Variants in OR51E1 observed in about 807,000 individuals in gnomAD.
OR51E1 encodes the protein olfactory receptor family 51 subfamily E member 1.
In OR51E1, 9 loss-of-function variants were observed where a neutral mutation model predicts 11.5. The ratio of observed to expected loss-of-function variants is 0.78; its 90% CI spans 0.47 to 1.37. The LOEUF (loss-of-function observed/expected upper bound fraction) is 1.37, where lower values mean the gene tolerates loss of function less well. Among genes scored for constraint, OR51E1 ranks in the 40% most tolerant of loss-of-function variants. OR51E1 has a pLI of 0.00. For missense variants in OR51E1, 397 were observed against 410.2 expected (o/e 0.97, Z 0.28); for synonymous variants, 168 against 158.3 (o/e 1.06, Z -0.46).
chr11:4,648,858 T>A (rs879415461), intron 1 of OR51E1, among the ~76,000 whole-genome samples: 21 of 152,220 alleles, frequency 1.4e-4, no homozygotes, highest in Non-Finnish European at 2.5e-4. Context: ...CTGTTTTTTT[T>A]AATACATATT....
At position 4,652,565 on chromosome 11, in the gene OR51E1, A is replaced by G. The variant is rs779959576; in HGVS notation, c.39A>G (p.Thr13=). ...VDPNGNESSA[T]YFILIGLPGL... The stretch of plus-strand genomic sequence containing the variant: ...CCAATGGCAATGAATCCAGTGCTAC[A>G]TACTTCATCCTAATAGGCCTCCCTG... The change falls in exon 2 of 2, where the codon ACA becomes ACG. Residue 13 remains threonine (T), a synonymous_variant. Coordinates refer to ENST00000396952, the MANE Select transcript of OR51E1 (RefSeq NM_152430.4). The G allele has an allele frequency of 3.1e-6, 5 of 1,613,932 alleles. No homozygotes were observed. Among genetic ancestry groups the G allele is most frequent in the African/African-American group, 2.7e-5 (2 of 74,908 alleles).
At chr11:4,645,059 C>CAG (rs1847012081) in intron 1 of OR51E1, among the ~76,000 whole-genome samples, 1 of 151,806 alleles carries the variant, frequency 6.6e-6, no homozygotes, top group Admixed American at 6.6e-5. Context: ...TTAAGAGAGG[C>CAG]TTTTTCTGAC....
chr11:4,649,959 C>G (rs373634299), intron 1 of OR51E1, among the ~76,000 whole-genome samples: 3 of 152,202 alleles, frequency 2.0e-5, no homozygotes, highest in Admixed American at 2.0e-4. Flanking sequence ...TCATACAGCT[C>G]TAGAGGTTTT....
At chr11:4,647,573 A>G (rs767825698) in intron 1 of OR51E1, among the ~76,000 whole-genome samples, 7 of 151,924 alleles carry the variant, frequency 4.6e-5, no homozygotes, top group Non-Finnish European at 1.0e-4. Context: ...GAAGAATGTG[A>G]GGATGGGCTG....
intron 1 of OR51E1, 88 bp downstream of exon 1, chr11:4,644,118 G>C (rs1466916308): frequency 6.5e-6 from 1 of 152,988 alleles, no homozygotes; most frequent in African/African-American, 2.4e-5. Context: ...TGCATGAGAA[G>C]CCAGGCTGTG....
In OR51E1 at chr11:4,653,503, T is replaced by G. The variant is rs1847132181; in HGVS notation, c.*20T>G. 3 of 1,445,062 alleles carry G rather than the reference T, an allele frequency of 2.1e-6. No homozygotes were observed. Among genetic ancestry groups the G allele is most frequent in the Non-Finnish European group, 2.9e-6 (3 of 1,042,556 alleles). 89.5% of individuals were successfully genotyped at this position (1,445,062 alleles called of 1,614,324 possible). A position where few individuals can be genotyped will look rare whatever the true frequency, so the allele number is the denominator to read the frequency against. ...CCCTAGGTGTCAGTGATCAAACTTC[T>G]TTTCCATTCAGAGTCCTCTGATTCA... is the stretch of plus-strand genomic sequence containing the variant. On this transcript the variant is annotated 3_prime_UTR_variant, in exon 2 of 2. Transcript: ENST00000396952.
chr11:4,651,032 A>C (rs1847090261), intron 1 of OR51E1, among the ~76,000 whole-genome samples: 1 of 141,746 alleles, frequency 7.1e-6, no homozygotes, highest in Non-Finnish European at 1.6e-5. Context: ...ATATTTGTCG[A>C]TGGAGGAAAG....
Position 4,653,648 on chromosome 11 carries a change from T to G in OR51E1, c.*165T>G, listed in dbSNP as rs1847134581. The G allele has an allele frequency of 7.1e-6, 4 of 562,564 alleles. No individual in the cohort carries two copies. The highest frequency in any genetic ancestry group is 6.4e-6 in the Non-Finnish European group (2 of 312,346). 34.8% of individuals were successfully genotyped at this position (562,564 alleles called of 1,614,324 possible). On this transcript the variant is annotated 3_prime_UTR_variant, in exon 2 of 2. Coordinates refer to ENST00000396952, the MANE Select transcript of OR51E1 (RefSeq NM_152430.4). ...GGAATCTCCATTTTTTCAATATTAT[T>G]TTCTTCTTTGTTTTCTTGCTACATA...
At position 4,644,245 on chromosome 11, in the gene OR51E1, G is replaced by A. The variant is rs552810583; in HGVS notation, c.-40+215G>A. On this transcript the variant is annotated intron_variant, in intron 1 of 1. Transcript: ENST00000396952. Reference sequence around the variant, plus strand: ...ATGTGGGTGCTGGAGGTAGCCTAAGGGTAGTTTTCAAGCAGTTTTTCAGTG... The same window carrying A: ...ATGTGGGTGCTGGAGGTAGCCTAAGAGTAGTTTTCAAGCAGTTTTTCAGTG... Among the ~76,000 whole-genome samples the A allele has an allele frequency of 1.3e-3, 197 of 152,260 alleles. 1 individual carries two copies. Among genetic ancestry groups the A allele is most frequent in the African/African-American group, 4.7e-3 (195 of 41,532 alleles).
In OR51E1 at chr11:4,652,913, C is replaced by T. The variant is rs1327735484; in HGVS notation, c.387C>T (p.Ile129=). Residue 129 remains isoleucine, a synonymous_variant, in exon 2 of 2, where the codon ATC becomes ATT. Coordinates refer to ENST00000396952, the MANE Select transcript of OR51E1 (RefSeq NM_152430.4). ...TGGCTTTTGACCGCTATGTGGCCAT[C>T]TGTCACCCACTGCGCCATGCCACAG... The part of the protein sequence containing the change: ...LAMAFDRYVA[I]CHPLRHATVL... 1 of 1,611,146 alleles carries T rather than the reference C, an allele frequency of 6.2e-7. No individual in the cohort carries two copies. The highest frequency in any genetic ancestry group is 2.2e-5 in the East Asian group (1 of 44,866).
intron 1 of OR51E1, among the ~76,000 whole-genome samples, chr11:4,650,967 C>A (rs1847089335): frequency 6.6e-6 from 1 of 150,414 alleles, no homozygotes; most frequent in African/African-American, 2.4e-5. Flanking sequence ...AAATCGGAAA[C>A]ACTTCTGGTT....
chr11:4,649,847 T>C (rs1371603568), intron 1 of OR51E1, among the ~76,000 whole-genome samples: 2 of 152,258 alleles, frequency 1.3e-5, no homozygotes, highest in Non-Finnish European at 2.9e-5. Flanking sequence ...ATTTATCATC[T>C]CATTTAATCT....
rs1271375337 is a variant in OR51E1 at position 4,655,176 on chromosome 11, C to A, written c.*1693C>A. ...AACCTGATTCCTTCTGTCCTGAACA[C>A]ATAGCCAGGCAATTTTCCAGCCTTC... On this transcript the variant is annotated 3_prime_UTR_variant, in exon 2 of 2. Transcript: ENST00000396952. 1.2e-5 allele frequency: 2 copies of A among 167,098 alleles called. No homozygotes were observed. The highest frequency in any genetic ancestry group is 3.8e-4 in the East Asian group (2 of 5,204). 10.4% of individuals were successfully genotyped at this position (167,098 alleles called of 1,614,324 possible).
At position 4,653,618 on chromosome 11, in the gene OR51E1, G is replaced by A. The variant is rs957088058; in HGVS notation, c.*135G>A. On this transcript the variant is annotated 3_prime_UTR_variant, in exon 2 of 2. Transcript: ENST00000396952. The stretch of plus-strand genomic sequence containing the variant: ...CTCAGATCCTTCAAATATGAAACTG[G>A]TTGGGGAATCTCCATTTTTTCAATA... 1 of 564,420 alleles carries A rather than the reference G, an allele frequency of 1.8e-6. No individual in the cohort carries two copies. The highest frequency in any genetic ancestry group is 3.2e-6 in the Non-Finnish European group (1 of 314,572). 35.0% of individuals were successfully genotyped at this position (564,420 alleles called of 1,614,324 possible). A position where few individuals can be genotyped will look rare whatever the true frequency, so the allele number is the denominator to read the frequency against.
chr11:4,652,955 T>A lies in OR51E1; in HGVS notation c.429T>A (p.Arg143=), dbSNP rs748426584. The change falls in exon 2 of 2, where the codon CGT becomes CGA. Residue 143 remains arginine (R), a synonymous_variant. Coordinates refer to ENST00000396952, the MANE Select transcript of OR51E1 (RefSeq NM_152430.4). The part of the protein sequence containing the change: ...LRHATVLTLP[R]VTKIGVAAVV... ...ATGCCACAGTACTTACGTTGCCTCG[T>A]GTCACCAAAATTGGTGTGGCTGCTG... The A allele has an allele frequency of 1.2e-5, 19 of 1,606,262 alleles. No individual in the cohort carries two copies. The East Asian group carries it at 3.8e-4, about 32-fold the overall frequency.
At chr11:4,644,065 A>G (rs1472730680) in intron 1 of OR51E1, 35 bp downstream of exon 1, 1 of 153,014 alleles carries the variant, frequency 6.5e-6, no homozygotes, top group Non-Finnish European at 1.5e-5. Flanking sequence ...GTCCAGGTGC[A>G]TGGGTTACTT....
rs1309717079 is a variant in OR51E1 at position 4,652,679 on chromosome 11, T to A, written c.153T>A (p.Ile51=). 8.7e-6 allele frequency: 14 copies of A among 1,614,038 alleles called. No homozygotes were observed. The highest frequency in any genetic ancestry group is 2.2e-5 in the East Asian group (1 of 44,892). The change falls in exon 2 of 2, where the codon ATT becomes ATA. Residue 51 remains isoleucine, a synonymous_variant. Transcript: ENST00000396952. ...TAGGTAACTTGACAATCATCTACAT[T>A]GTGCGGACTGAGCACAGCCTGCATG... ...AVLGNLTIIY[I]VRTEHSLHEP...
Position 4,652,875 on chromosome 11 carries a change from G to A in OR51E1, c.349G>A (p.Val117Met). 1 of 1,613,810 alleles carries A rather than the reference G, an allele frequency of 6.2e-7. No homozygotes were observed. The highest frequency in any genetic ancestry group is 8.5e-7 in the Non-Finnish European group (1 of 1,179,818). ...IHSLSGMEST[V>M]LLAMAFDRYV... is the part of the protein sequence containing the mutation. ...CTCCTTATCTGGCATGGAATCCACA[G>A]TGCTGCTGGCCATGGCTTTTGACCG... is the stretch of plus-strand genomic sequence containing the variant. Residue 117 changes from valine to methionine, a missense_variant, in exon 2 of 2, where the codon GTG becomes ATG. By Grantham distance (21) the Val-to-Met change is conservative (BLOSUM62 1). Coordinates refer to ENST00000396952, the MANE Select transcript of OR51E1 (RefSeq NM_152430.4).
At chr11:4,652,462 G>C in intron 1 of OR51E1, 26 bp from the exon 2 acceptor site, 2 of 1,052,680 alleles carry the variant, frequency 1.9e-6, no homozygotes, top group Non-Finnish European at 2.9e-6. Flanking sequence ...TTATGGATCT[G>C]ACAGTGGCTT....
Sources: allele counts gnomAD v4.1 joint callset (sites outside exome capture counted in the v4.1 genomes callset), GRCh38; gene constraint gnomAD v4.1.1; transcripts MANE v1.5; gene names NCBI Gene and HGNC (gene_info 2026-07-23, HGNC 2026-07-21).